The following GOLPH3 variants were observed in gnomAD, a reference collection of about 807,000 sequenced individuals.
The protein encoded by GOLPH3 is golgi phosphoprotein 3.
GOLPH3 carries 14 observed loss-of-function variants against 28.5 expected under a neutral mutation model. That is an observed-to-expected ratio of 0.49 (90% confidence interval 0.32 to 0.77). GOLPH3 has a LOEUF of 0.77. Ranked by LOEUF, GOLPH3 falls within the 30% of genes least tolerant of loss-of-function variation. The pLI is 0.03. For synonymous variants in GOLPH3, 158 were observed against 159.2 expected, an observed-to-expected ratio of 0.99 and a Z score of 0.06; for missense variants, 350 against 393.7, an observed-to-expected ratio of 0.89 and a Z score of 0.94.
Position 32,172,375 on chromosome 5 carries a change from T to G in GOLPH3, c.225+1435A>C, listed in dbSNP as rs371295178. Reference sequence around the variant, plus strand: ...TTTTGTAAGACTTTTTTTTTTTTTTTGCCCACCTTCCTGAATTTGGAAAAC... The same window carrying G: ...TTTTGTAAGACTTTTTTTTTTTTTTGGCCCACCTTCCTGAATTTGGAAAAC... On this transcript the variant is annotated intron_variant, in intron 1 of 3. Coordinates refer to ENST00000265070, the MANE Select transcript of GOLPH3 (RefSeq NM_022130.4). Among the ~76,000 whole-genome samples the G allele has an allele frequency of 6.2e-4, 94 of 151,856 alleles. No homozygotes were observed. The East Asian group carries it at 0.01, about 17-fold the overall frequency.
chr5:32,160,700 A>C (rs1746551714), intron 1 of GOLPH3, among the ~76,000 whole-genome samples: 1 of 152,358 alleles, frequency 6.6e-6, no homozygotes, highest in East Asian at 1.9e-4. Context: ...GAAATAACTA[A>C]GAATTGGCTG....
chr5:32,137,220 A>G (rs1302981582), intron 2 of GOLPH3, among the ~76,000 whole-genome samples: 1 of 151,804 alleles, frequency 6.6e-6, no homozygotes, highest in African/African-American at 2.4e-5. Flanking sequence ...CGGCCTCCCA[A>G]AGTGCTGGGA....
intron 1 of GOLPH3, among the ~76,000 whole-genome samples, chr5:32,173,310 G>C (rs917963765): frequency 6.6e-6 from 1 of 151,356 alleles, no homozygotes; most frequent in Non-Finnish European, 1.5e-5. Flanking sequence ...TACGTTTTTC[G>C]TAATTCCCAA....
chr5:32,148,536 G>A (rs939538892), intron 1 of GOLPH3, among the ~76,000 whole-genome samples: 14 of 152,190 alleles, frequency 9.2e-5, no homozygotes, highest in Non-Finnish European at 4.4e-5. Context: ...GGTGGCTCAC[G>A]CCTGTAATCC....
rs1441936494 is a variant in GOLPH3 at position 32,124,769 on chromosome 5, A to ATACAC, written c.*1442_*1443insGTGTA. The ATACAC allele has an allele frequency of 6.6e-6, 1 of 152,492 alleles. No homozygotes were observed. Among genetic ancestry groups the ATACAC allele is most frequent in the African/African-American group, 2.4e-5 (1 of 41,466 alleles). The allele number at this position is 152,492 out of a possible 1,614,324, so 9.4% of individuals were successfully genotyped here. On this transcript the variant is annotated 3_prime_UTR_variant, in exon 4 of 4. Coordinates refer to ENST00000265070, the MANE Select transcript of GOLPH3 (RefSeq NM_022130.4). ...TTATTACTTCAGATAAAAAGATAGT[A>ATACAC]TACATATTAGGGAATCCCTTAAAAT...
rs1745643392 is a variant in GOLPH3 at position 32,124,956 on chromosome 5, C to G, written c.*1256G>C. Reference sequence around the variant, plus strand: ...ACATATAGTATTTACATTATGAAACCAATGGTGATGATACAATAAAGTGAT... The same window carrying G: ...ACATATAGTATTTACATTATGAAACGAATGGTGATGATACAATAAAGTGAT... On this transcript the variant is annotated 3_prime_UTR_variant, in exon 4 of 4. Coordinates refer to ENST00000265070, the MANE Select transcript of GOLPH3 (RefSeq NM_022130.4). The G allele has an allele frequency of 6.6e-6, 1 of 152,408 alleles. No homozygotes were observed. The highest frequency in any genetic ancestry group is 1.5e-5 in the Non-Finnish European group (1 of 67,952). 9.4% of individuals were successfully genotyped at this position (152,408 alleles called of 1,614,324 possible).
At position 32,172,673 on chromosome 5, in the gene GOLPH3, C is replaced by G. The variant is rs1469914601; in HGVS notation, c.225+1137G>C. Reference sequence around the variant, plus strand: ...TCGCGCCACTGCACTCCAGCCTGGGCGACAAACTGAGGCTCCGTCTCAAAA... The same window carrying G: ...TCGCGCCACTGCACTCCAGCCTGGGGGACAAACTGAGGCTCCGTCTCAAAA... On this transcript the variant is annotated intron_variant, in intron 1 of 3. Coordinates refer to ENST00000265070, the MANE Select transcript of GOLPH3 (RefSeq NM_022130.4). 4.0e-5 allele frequency among the ~76,000 whole-genome samples: 6 copies of G among 151,894 alleles called. No individual in the cohort carries two copies. The East Asian group carries it at 1.2e-3, about 29-fold the overall frequency.
At chr5:32,168,321 G>A (rs1170322825) in intron 1 of GOLPH3, among the ~76,000 whole-genome samples, 1 of 152,106 alleles carries the variant, frequency 6.6e-6, no homozygotes, top group Non-Finnish European at 1.5e-5. Context: ...AGTGACCTTG[G>A]GAACCTTATT....
intron 1 of GOLPH3, among the ~76,000 whole-genome samples, chr5:32,162,033 G>C (rs1214787830): frequency 6.7e-6 from 1 of 149,074 alleles, no homozygotes; most frequent in Non-Finnish European, 1.5e-5. Flanking sequence ...TCTCAAAAAA[G>C]AAAAATAAAT....
intron 3 of GOLPH3, among the ~76,000 whole-genome samples, chr5:32,130,218 T>C (rs1344617884): frequency 2.6e-5 from 4 of 152,176 alleles, no homozygotes; most frequent in Admixed American, 2.6e-4. Context: ...AGTATGAGTT[T>C]TGCTTTTTCT....
chr5:32,149,245 G>C (rs189370481), intron 1 of GOLPH3, among the ~76,000 whole-genome samples: 1 of 152,214 alleles, frequency 6.6e-6, no homozygotes. Flanking sequence ...AAGACATACA[G>C]AGACAGAGAG....
At chr5:32,148,692 G>A (rs951494896) in intron 1 of GOLPH3, among the ~76,000 whole-genome samples, 1 of 151,856 alleles carries the variant, frequency 6.6e-6, no homozygotes, top group African/African-American at 2.4e-5. Context: ...AGCTACTCGG[G>A]AGGCTGAGGC....
intron 1 of GOLPH3, among the ~76,000 whole-genome samples, chr5:32,167,020 TATGTACCAGAACAAGCATA>T (rs947392753): frequency 6.6e-6 from 1 of 152,094 alleles, no homozygotes; most frequent in African/African-American, 2.4e-5. Context: ...AGCTTAACAT[TATGTACCAGAACAAGCATA>T]ATGCCTGATG....
chr5:32,158,592 TC>T (rs1445793489), intron 1 of GOLPH3, among the ~76,000 whole-genome samples: 4 of 151,992 alleles, frequency 2.6e-5, no homozygotes, highest in Non-Finnish European at 5.9e-5. Flanking sequence ...TCCTCACTCT[TC>T]CTCCTGCTGG....
At chr5:32,150,745 T>C (rs1746286274) in intron 1 of GOLPH3, among the ~76,000 whole-genome samples, 2 of 152,150 alleles carry the variant, frequency 1.3e-5, no homozygotes, top group Admixed American at 1.3e-4. Context: ...AATGCTCCAA[T>C]GAGCATTTTC....
chr5:32,137,840 CATTGT>C (rs1365443780), intron 2 of GOLPH3, among the ~76,000 whole-genome samples: 1 of 151,796 alleles, frequency 6.6e-6, no homozygotes, highest in African/African-American at 2.4e-5. Flanking sequence ...AAATTAAATC[CATTGT>C]ATTGTATTAT....
chr5:32,142,132 C>T (rs1746081107), intron 2 of GOLPH3, among the ~76,000 whole-genome samples: 1 of 150,648 alleles, frequency 6.6e-6, no homozygotes, highest in South Asian at 2.1e-4. Context: ...CGTCTCTGCC[C>T]GGCCGCCATC....
At chr5:32,171,466 G>A (rs1019071276) in intron 1 of GOLPH3, among the ~76,000 whole-genome samples, 12 of 151,242 alleles carry the variant, frequency 7.9e-5, no homozygotes, top group South Asian at 2.1e-4. Context: ...GTGTGACTCA[G>A]AACACCAAAA....
intron 1 of GOLPH3, among the ~76,000 whole-genome samples, chr5:32,159,121 A>G (rs540212173): frequency 2.6e-5 from 4 of 152,322 alleles, no homozygotes; most frequent in African/African-American, 7.2e-5. Flanking sequence ...AGACCTGTTT[A>G]TTTAATGCAT....
Sources: allele counts gnomAD v4.1 joint callset (sites outside exome capture counted in the v4.1 genomes callset), GRCh38; gene constraint gnomAD v4.1.1; transcripts MANE v1.5; gene names NCBI Gene and HGNC (gene_info 2026-07-23, HGNC 2026-07-21).